The following CCDC3 variants were observed in gnomAD, a reference collection of about 807,000 sequenced individuals.
CCDC3 encodes coiled-coil domain containing 3.
CCDC3 carries 24 observed loss-of-function variants against 21.4 expected under a neutral mutation model. The ratio of observed to expected loss-of-function variants is 1.12; its 90% CI spans 0.81 to 1.58. The LOEUF (loss-of-function observed/expected upper bound fraction) is 1.58, where lower values mean the gene tolerates loss of function less well. Ranked by LOEUF, CCDC3 falls within the 40% of genes most tolerant of loss-of-function variation. CCDC3 has a pLI of 0.00. For missense variants in CCDC3, 425 were observed against 360.9 expected, an observed-to-expected ratio of 1.18 and a Z score of -1.44; for synonymous variants, 186 against 166.0, an observed-to-expected ratio of 1.12 and a Z score of -0.93.
At chr10:13,098,311 TG>T (rs768284548) in intron 3 of CCDC3, among the ~76,000 whole-genome samples, 11 of 152,196 alleles carry the variant, frequency 7.2e-5, no homozygotes, top group Admixed American at 1.3e-4. Flanking sequence ...AGTGTTGTTT[TG>T]TTCTCGTTTT....
chr10:12,968,680 A>C (rs530774939), intron 2 of CCDC3, among the ~76,000 whole-genome samples: 1 of 152,342 alleles, frequency 6.6e-6, no homozygotes, highest in African/African-American at 2.4e-5. Context: ...TAATTTTTTA[A>C]GGGATATACA....
chr10:12,912,290 ATCTTT>A (rs934358590), intron 2 of CCDC3, among the ~76,000 whole-genome samples: 2 of 152,338 alleles, frequency 1.3e-5, no homozygotes, highest in African/African-American at 4.8e-5. Flanking sequence ...ACCAACACTT[ATCTTT>A]TGTCTTTTTG....
Position 13,054,154 on chromosome 10 carries a change from C to CAAAAAAA in CCDC3, c.-269-4220_-269-4214dup, listed in dbSNP as rs71386143. On this transcript the variant is annotated intron_variant, in intron 4 of 6. Coordinates refer to the CCDC3 transcript ENST00000378839. The stretch of plus-strand genomic sequence containing the variant: ...AGAGAGAGAGAGAGAGACTCTGTAT[C>CAAAAAAA]AAAAAAAAAAAAAAAAAAAGAGGAA... 3.9e-3 allele frequency among the ~76,000 whole-genome samples: 388 copies of CAAAAAAA among 99,872 alleles called. 5 individuals are homozygous for CAAAAAAA. The highest frequency in any genetic ancestry group is 5.9e-3 in the Admixed American group (52 of 8,826). The allele number at this position is 99,872 out of a possible 152,430, so 65.5% of individuals were successfully genotyped here.
intron 3 of CCDC3, among the ~76,000 whole-genome samples, chr10:13,088,724 A>C (rs777973292): frequency 2.6e-5 from 4 of 152,206 alleles, no homozygotes; most frequent in Non-Finnish European, 5.9e-5. Flanking sequence ...GCATTTTTAA[A>C]AAATTAACTG....
intron 2 of CCDC3, among the ~76,000 whole-genome samples, chr10:12,926,488 A>G (rs761292729): frequency 5.3e-5 from 8 of 152,160 alleles, no homozygotes; most frequent in Non-Finnish European, 1.2e-4. Flanking sequence ...GGCATTTCCT[A>G]GATTTCTACA....
intron 3 of CCDC3, among the ~76,000 whole-genome samples, chr10:13,088,804 C>A (rs919233922): frequency 6.6e-6 from 1 of 152,126 alleles, no homozygotes; most frequent in African/African-American, 2.4e-5. Flanking sequence ...AGGAGGATCA[C>A]CTGAGGTCAG....
chr10:13,067,610 C>A (rs1771942656), intron 4 of CCDC3, among the ~76,000 whole-genome samples: 1 of 152,140 alleles, frequency 6.6e-6, no homozygotes, highest in African/African-American at 2.4e-5. Flanking sequence ...CACGTGGCAA[C>A]GTTTTGTCTT....
At chr10:13,010,991 C>G (rs1170253862) in intron 5 of CCDC3, among the ~76,000 whole-genome samples, 2 of 152,084 alleles carry the variant, frequency 1.3e-5, no homozygotes, top group Non-Finnish European at 2.9e-5. Flanking sequence ...ATCAGCCTGG[C>G]CAACATGGTG....
chr10:12,900,098 A>C (rs781288408), intron 2 of CCDC3, among the ~76,000 whole-genome samples: 36 of 152,146 alleles, frequency 2.4e-4, no homozygotes, highest in Non-Finnish European at 5.0e-4. Flanking sequence ...CATGACTTTG[A>C]GCCTATTCAC....
chr10:13,051,315 GC>G (rs1289026735), intron 4 of CCDC3, among the ~76,000 whole-genome samples: 1 of 152,180 alleles, frequency 6.6e-6, no homozygotes, highest in African/African-American at 2.4e-5. Flanking sequence ...ACGACCCTAG[GC>G]CCTGCAGGGG....
intron 5 of CCDC3, among the ~76,000 whole-genome samples, chr10:13,021,961 T>C (rs556377706): frequency 1.0e-3 from 154 of 152,232 alleles, no homozygotes; most frequent in African/African-American, 3.6e-3. Flanking sequence ...GGTTTCACCA[T>C]GTTGGCCAGG....
intron 2 of CCDC3, among the ~76,000 whole-genome samples, chr10:12,988,032 G>A (rs963958064): frequency 2.6e-5 from 4 of 152,182 alleles, no homozygotes; most frequent in East Asian, 1.9e-4. Context: ...GGCTCATCAC[G>A]TCTCACCACG....
intron 2 of CCDC3, among the ~76,000 whole-genome samples, chr10:12,985,498 C>T (rs150564466): frequency 2.6e-5 from 4 of 152,256 alleles, no homozygotes; most frequent in Non-Finnish European, 5.9e-5. Context: ...CAACTTTATT[C>T]GTAATAGCTA....
intron 5 of CCDC3, among the ~76,000 whole-genome samples, chr10:13,009,001 CA>C (rs1835955514): frequency 6.6e-6 from 1 of 152,014 alleles, no homozygotes; most frequent in African/African-American, 2.4e-5. Context: ...TCTATTTACC[CA>C]TGACATGATC....
At chr10:13,009,206 C>A (rs1835958417) in intron 5 of CCDC3, among the ~76,000 whole-genome samples, 1 of 152,100 alleles carries the variant, frequency 6.6e-6, no homozygotes, top group South Asian at 2.1e-4. Context: ...AGAAATAAAT[C>A]TCATTAAATA....
intron 1 of CCDC3, among the ~76,000 whole-genome samples, chr10:12,999,166 G>C (rs911657853): frequency 2.6e-5 from 4 of 152,298 alleles, no homozygotes; most frequent in Non-Finnish European, 1.5e-5. Flanking sequence ...CTTGAACCTA[G>C]GAGGCGGAGG....
At chr10:12,905,267 G>C (rs1359726747) in intron 2 of CCDC3, among the ~76,000 whole-genome samples, 1 of 152,232 alleles carries the variant, frequency 6.6e-6, no homozygotes, top group Non-Finnish European at 1.5e-5. Context: ...AGTTTTATTA[G>C]ACCACAGCTA....
intron 2 of CCDC3, among the ~76,000 whole-genome samples, chr10:12,971,644 G>A (rs1036672733): frequency 6.6e-5 from 10 of 152,134 alleles, no homozygotes; most frequent in African/African-American, 2.2e-4. Context: ...GGACTGAGGT[G>A]TGTTCCCTCT....
intron 5 of CCDC3, among the ~76,000 whole-genome samples, chr10:13,013,082 A>T (rs1217548066): frequency 6.6e-6 from 1 of 152,244 alleles, no homozygotes; most frequent in Non-Finnish European, 1.5e-5. Flanking sequence ...GAAGTTATTA[A>T]AACATTCAGA....
Sources: allele counts gnomAD v4.1 joint callset (sites outside exome capture counted in the v4.1 genomes callset), GRCh38; gene constraint gnomAD v4.1.1; transcripts MANE v1.5; gene names NCBI Gene and HGNC (gene_info 2026-07-23, HGNC 2026-07-21).